MCTP2: variants seen among roughly 807,000 people sequenced by gnomAD.
The protein encoded by MCTP2 is multiple C2 and transmembrane domain-containing protein 2.
Under a neutral mutation model 111.6 loss-of-function variants are expected in MCTP2, and 132 were observed. The ratio of observed to expected loss-of-function variants is 1.18; its 90% CI spans 1.03 to 1.37. The LOEUF (loss-of-function observed/expected upper bound fraction) is 1.37. MCTP2 is among the 40% of genes most tolerant of loss of function. The probability of loss-of-function intolerance (pLI) is 0.00; values close to 1 mark genes in which losing one functional copy is unlikely to be tolerated. For missense variants in MCTP2, 1,183 were observed against 1,067.9 expected, an observed-to-expected ratio of 1.11 and a Z score of -1.50; for synonymous variants, 395 against 387.7, an observed-to-expected ratio of 1.02 and a Z score of -0.22.
rs541202242 is a variant in MCTP2 at position 94,243,306 on chromosome 15, C to A, written c.-66+11642C>A. Among the ~76,000 whole-genome samples the A allele has an allele frequency of 2.7e-5, 3 of 109,714 alleles. No individual in the cohort carries two copies. The East Asian group carries it at 7.0e-4, about 26-fold the overall frequency. The allele number at this position is 109,714 out of a possible 152,430, so 72.0% of individuals were successfully genotyped here. A position where few individuals can be genotyped will look rare whatever the true frequency, so the allele number is the denominator to read the frequency against. On this transcript the variant is annotated intron_variant, in intron 1 of 22. Coordinates refer to ENST00000357742, the MANE Select transcript of MCTP2 (RefSeq NM_001385001.1). ...GTATGCGTATATGCATATATACATA[C>A]ATACGTATGCGTACATACGTATGCG...
chr15:94,395,020 G>A (rs2081208423), intron 14 of MCTP2, among the ~76,000 whole-genome samples: 1 of 152,112 alleles, frequency 6.6e-6, no homozygotes, highest in Non-Finnish European at 1.5e-5. Context: ...CTTCTGTGCA[G>A]CAAACAGTGA....
intron 10 of MCTP2, among the ~76,000 whole-genome samples, chr15:94,361,084 GTTTTTTTT>G (rs67774490): frequency 0.043 from 365 of 8,412 alleles, 8 homozygotes; most frequent in African/African-American, 0.1. Flanking sequence ...AATATTTCAA[GTTTTTTTT>G]TTTTTTTTTT....
chr15:94,266,129 G>T (rs1460171340), intron 1 of MCTP2, among the ~76,000 whole-genome samples: 1 of 152,090 alleles, frequency 6.6e-6, no homozygotes, highest in Non-Finnish European at 1.5e-5. Context: ...CACACTGGAT[G>T]ATCCTGAGAG....
intron 8 of MCTP2, among the ~76,000 whole-genome samples, chr15:94,352,115 T>C (rs752513574): frequency 6.6e-5 from 10 of 152,196 alleles, no homozygotes; most frequent in Non-Finnish European, 7.4e-5. Flanking sequence ...GTCCATTTCA[T>C]GTATTCCAGC....
At chr15:94,342,714 A>C (rs2077719369) in intron 7 of MCTP2, 2 of 151,310 alleles carry the variant, frequency 1.3e-5, no homozygotes, top group South Asian at 4.1e-4. Context: ...ATACATATAT[A>C]TCTCTATATA....
chr15:94,249,353 C>T (rs1357448446), intron 1 of MCTP2, among the ~76,000 whole-genome samples: 1 of 152,152 alleles, frequency 6.6e-6, no homozygotes, highest in Admixed American at 6.5e-5. Context: ...TCTGGTCCTT[C>T]TATAGGATCT....
rs192362904 is a variant in MCTP2, at chr15:94,399,053, A to G, written c.1881A>G (p.Ile627Met). 206 of 1,484,758 alleles carry G rather than the reference A, an allele frequency of 1.4e-4. 2 individuals are homozygous for G. The South Asian group carries it at 1.5e-3, about 11-fold the overall frequency. The allele number at this position is 1,484,758 out of a possible 1,614,324, so 92.0% of individuals were successfully genotyped here. ...TTATTTACTTAGAGATGGACCTTAT[A>G]TATAATCCGGTAAGTCTAGCTGGGT... ...KGVIYLEMDLIYNPVKASIRT... is the reference protein window; with the variant it reads ...KGVIYLEMDLMYNPVKASIRT... The change falls in exon 15 of 23, where the codon ATA becomes ATG. Residue 627 changes from isoleucine to methionine, a missense_variant. By Grantham distance (10) the Ile-to-Met change is conservative (BLOSUM62 1). Transcript: ENST00000357742.
At chr15:94,361,725 G>C (rs1160326978) in intron 10 of MCTP2, among the ~76,000 whole-genome samples, 1 of 152,120 alleles carries the variant, frequency 6.6e-6, no homozygotes, top group East Asian at 1.9e-4. Flanking sequence ...AGAATTTTTT[G>C]ATATTTTTTG....
At chr15:94,369,810 A>G (rs574021081) in intron 11 of MCTP2, among the ~76,000 whole-genome samples, 4 of 152,318 alleles carry the variant, frequency 2.6e-5, no homozygotes, top group South Asian at 4.1e-4. Flanking sequence ...TGGGATATCT[A>G]TGCCATCACC....
chr15:94,476,649 TAG>T (rs756773056), intron 21 of MCTP2, 45 bp from the exon 22 acceptor site: 562 of 736,798 alleles, frequency 7.6e-4, no homozygotes, highest in Middle Eastern at 2.5e-3. Context: ...GATAGATAGA[TAG>T]ACAGACAGAC....
chr15:94,241,795 A>G lies in MCTP2; in HGVS notation c.-66+10131A>G, dbSNP rs537709473. 9.2e-5 allele frequency among the ~76,000 whole-genome samples: 14 copies of G among 152,228 alleles called. No homozygotes were observed. In the East Asian group the frequency reaches 2.7e-3, roughly 29 times the overall value. On this transcript the variant is annotated intron_variant, in intron 1 of 22. Coordinates refer to ENST00000357742, the MANE Select transcript of MCTP2 (RefSeq NM_001385001.1). The stretch of plus-strand genomic sequence containing the variant: ...TAAGGCATACCCACTTTAAAAAAAA[A>G]AAGTTACCAGGTTTAATTCAGTGGT...
At chr15:94,463,493 GATT>G (rs908867951) in intron 20 of MCTP2, among the ~76,000 whole-genome samples, 26 of 151,988 alleles carry the variant, frequency 1.7e-4, no homozygotes, top group African/African-American at 6.0e-4. Context: ...TTTATATGAA[GATT>G]ATTATTCTGG....
At chr15:94,263,239 T>C (rs2073304143) in intron 1 of MCTP2, among the ~76,000 whole-genome samples, 1 of 152,204 alleles carries the variant, frequency 6.6e-6, no homozygotes, top group Admixed American at 6.5e-5. Context: ...GAATAGTGAA[T>C]GGGCATTGTG....
rs184469242 is a variant in MCTP2 at position 94,333,298 on chromosome 15, T to A, written c.638-5992T>A. Among the ~76,000 whole-genome samples the A allele has an allele frequency of 5.9e-5, 9 of 152,360 alleles. No homozygotes were observed. The East Asian group carries it at 1.7e-3, about 29-fold the overall frequency. ...ATTGAAGAAAGCAGGTAAATAATAC[T>A]GTATAAAGACTGATCCCTTTTTGTG... On this transcript the variant is annotated intron_variant, in intron 4 of 22. Coordinates refer to ENST00000357742, the MANE Select transcript of MCTP2 (RefSeq NM_001385001.1).
intron 12 of MCTP2, among the ~76,000 whole-genome samples, chr15:94,379,619 C>T (rs533789114): frequency 1.3e-5 from 2 of 151,382 alleles, no homozygotes; most frequent in South Asian, 4.2e-4. Context: ...TCAAGCCAAT[C>T]TTAGTACCTA....
chr15:94,337,533 T>G (rs1366101610), intron 4 of MCTP2, among the ~76,000 whole-genome samples: 1 of 149,784 alleles, frequency 6.7e-6, no homozygotes, highest in Non-Finnish European at 1.5e-5. Flanking sequence ...TGTTAAAGTC[T>G]GCCTCGCCAG....
In MCTP2 at chr15:94,443,981, C is replaced by CAAAAAAAAAA. The variant is rs58768404; in HGVS notation, c.2250+1037_2250+1046dup. On this transcript the variant is annotated intron_variant, in intron 19 of 22. Coordinates refer to ENST00000357742, the MANE Select transcript of MCTP2 (RefSeq NM_001385001.1). ...TAAGGTTTATAATGGGATATTTTAC[C>CAAAAAAAAAA]AAAAAAAAAAAAAAAAAAAAAAAAA... Among the ~76,000 whole-genome samples, 76 of 69,404 alleles carry CAAAAAAAAAA rather than the reference C, an allele frequency of 1.1e-3. 7 individuals are homozygous for CAAAAAAAAAA. Among genetic ancestry groups the CAAAAAAAAAA allele is most frequent in the African/African-American group, 4.3e-3 (70 of 16,156 alleles). 45.5% of individuals were successfully genotyped at this position (69,404 alleles called of 152,430 possible).
At chr15:94,324,345 A>C (rs554900145) in intron 4 of MCTP2, among the ~76,000 whole-genome samples, 5 of 152,246 alleles carry the variant, frequency 3.3e-5, no homozygotes, top group African/African-American at 4.8e-5. Flanking sequence ...CTTTGCTGTA[A>C]TGTTAGGCCG....
intron 1 of MCTP2, among the ~76,000 whole-genome samples, chr15:94,249,801 T>C (rs1029070048): frequency 6.6e-6 from 1 of 152,152 alleles, no homozygotes; most frequent in Non-Finnish European, 1.5e-5. Context: ...TTTTTTTTAA[T>C]AACAGCTCTT....
Sources: gnomAD v4.1 joint callset for allele counts (sites outside exome capture counted in the v4.1 genomes callset) on GRCh38, gnomAD v4.1.1 for gene constraint, MANE v1.5 for transcripts, NCBI Gene and HGNC (gene_info 2026-07-23, HGNC 2026-07-21) for gene names.